Variants in PCLO observed in about 807,000 individuals in gnomAD.
PCLO encodes the protein protein piccolo.
A neutral mutation model predicts 427.5 loss-of-function variants in PCLO; 82 were observed. The ratio of observed to expected loss-of-function variants is 0.19; its 90% CI spans 0.16 to 0.23. The LOEUF (loss-of-function observed/expected upper bound fraction) is 0.23, where lower values mean the gene tolerates loss of function less well. Among genes scored for constraint, PCLO ranks in the 10% least tolerant of loss-of-function variants. The pLI is 1.00. For missense variants in PCLO, 6,239 were observed against 6,115.9 expected, an observed-to-expected ratio of 1.02 and a Z score of -0.67; for synonymous variants, 2,357 against 2,155.4, an observed-to-expected ratio of 1.09 and a Z score of -2.59.
At chr7:82,908,793 C>A in intron 8 of PCLO, 84 bp downstream of exon 8, 1 of 1,189,610 alleles carries the variant, frequency 8.4e-7, no homozygotes, top group East Asian at 2.4e-5. Flanking sequence ...CATCTCATTC[C>A]TTTTAGGACA....
At chr7:82,845,564 T>C in intron 12 of PCLO, 79 bp from the exon 13 acceptor site, 1 of 936,206 alleles carries the variant, frequency 1.1e-6, no homozygotes, top group Non-Finnish European at 1.7e-6. Context: ...GAGTTCTAGG[T>C]GACAAAGGTA....
At chr7:82,909,372 A>G (rs1176483902) in intron 7 of PCLO, among the ~76,000 whole-genome samples, 3 of 151,994 alleles carry the variant, frequency 2.0e-5, no homozygotes, top group Admixed American at 1.3e-4. Flanking sequence ...ACCTCAGCCC[A>G]TCAGTTCCCA....
chr7:82,979,973 C>A (rs933833441), intron 3 of PCLO, among the ~76,000 whole-genome samples: 1 of 152,122 alleles, frequency 6.6e-6, no homozygotes, highest in African/African-American at 2.4e-5. Flanking sequence ...TGCTAAAGAA[C>A]AAGAGATATT....
At chr7:83,029,086 A>G (rs1229847147) in intron 3 of PCLO, among the ~76,000 whole-genome samples, 1 of 152,078 alleles carries the variant, frequency 6.6e-6, no homozygotes, top group East Asian at 1.9e-4. Flanking sequence ...AGCAACAGCA[A>G]CAGAAGAAAA....
At chr7:83,028,241 T>A in intron 3 of PCLO, among the ~76,000 whole-genome samples, 1 of 151,132 alleles carries the variant, frequency 6.6e-6, no homozygotes, top group African/African-American at 2.4e-5. Context: ...CTTAAGCTGA[T>A]AAGCAACTTC....
intron 2 of PCLO, among the ~76,000 whole-genome samples, chr7:83,141,530 T>C (rs556121994): frequency 6.6e-6 from 1 of 152,344 alleles, no homozygotes; most frequent in South Asian, 2.1e-4. Flanking sequence ...ATGTGCTATA[T>C]AAATGGGGGT....
intron 9 of PCLO, among the ~76,000 whole-genome samples, chr7:82,899,179 A>T (rs1051876284): frequency 3.3e-5 from 5 of 151,504 alleles, no homozygotes; most frequent in Admixed American, 6.6e-5. Context: ...TAAAAAATAC[A>T]TAAACTCAAT....
In PCLO at chr7:83,044,864, T is replaced by C. The variant is rs1347843591; in HGVS notation, c.3301-78377A>G. Among the ~76,000 whole-genome samples, 4 of 152,300 alleles carry C rather than the reference T, an allele frequency of 2.6e-5. No homozygotes were observed. The East Asian group carries it at 7.7e-4, about 29-fold the overall frequency. Reference sequence around the variant, plus strand: ...GGTGTCGTGGGTTGGGAGAATGTTATTTGGCTTACTGGAAGTCAAAGTTTT... The same window carrying C: ...GGTGTCGTGGGTTGGGAGAATGTTACTTGGCTTACTGGAAGTCAAAGTTTT... On this transcript the variant is annotated intron_variant, in intron 3 of 24. Transcript: ENST00000333891.
chr7:82,964,513 TCAAAA>T (rs1158400036), intron 4 of PCLO, among the ~76,000 whole-genome samples: 4 of 151,954 alleles, frequency 2.6e-5, no homozygotes, highest in African/African-American at 9.7e-5. Context: ...AAGACAGAAC[TCAAAA>T]CAAAACAAGG....
At chr7:82,869,466 T>C (rs1370571110) in intron 10 of PCLO, among the ~76,000 whole-genome samples, 1 of 152,090 alleles carries the variant, frequency 6.6e-6, no homozygotes, top group African/African-American at 2.4e-5. Flanking sequence ...ACAGAGATTG[T>C]CATGAAAATT....
chr7:83,072,916 C>A (rs1789855527), intron 3 of PCLO, among the ~76,000 whole-genome samples: 1 of 151,940 alleles, frequency 6.6e-6, no homozygotes, highest in Admixed American at 6.6e-5. Context: ...CTTCCTTTTA[C>A]CTTCAACATC....
At chr7:83,082,786 C>A (rs1189817047) in intron 3 of PCLO, among the ~76,000 whole-genome samples, 1 of 151,084 alleles carries the variant, frequency 6.6e-6, no homozygotes, top group Non-Finnish European at 1.5e-5. Flanking sequence ...ATTATGTACT[C>A]ATGATTAAAA....
At chr7:82,870,265 C>T (rs1793200346) in intron 10 of PCLO, among the ~76,000 whole-genome samples, 1 of 151,830 alleles carries the variant, frequency 6.6e-6, no homozygotes, top group Non-Finnish European at 1.5e-5. Flanking sequence ...GAACAGAATA[C>T]AGAACCCAGA....
chr7:83,061,369 C>T (rs2116316061), intron 3 of PCLO, among the ~76,000 whole-genome samples: 1 of 152,226 alleles, frequency 6.6e-6, no homozygotes, highest in Middle Eastern at 3.4e-3. Context: ...TGTTCTTTGT[C>T]TTTATTAAAG....
At chr7:83,137,275 T>C (rs2116625816) in intron 2 of PCLO, among the ~76,000 whole-genome samples, 1 of 152,350 alleles carries the variant, frequency 6.6e-6, no homozygotes, top group African/African-American at 2.4e-5. Flanking sequence ...AGGCTTATTT[T>C]GCACTCTCAC....
intron 3 of PCLO, among the ~76,000 whole-genome samples, chr7:83,097,297 C>T (rs529075000): frequency 2.8e-5 from 4 of 141,366 alleles, no homozygotes; most frequent in Non-Finnish European, 4.5e-5. Context: ...CTGAGGTGGG[C>T]GGATCACGAG....
At chr7:82,800,341 C>T (rs1373740800) in intron 22 of PCLO, among the ~76,000 whole-genome samples, 2 of 152,120 alleles carry the variant, frequency 1.3e-5, no homozygotes, top group East Asian at 1.9e-4. Flanking sequence ...ATGTAGTGCT[C>T]TTGTGATAAC....
intron 3 of PCLO, among the ~76,000 whole-genome samples, chr7:83,067,406 G>A (rs1331272541): frequency 6.6e-6 from 1 of 152,164 alleles, no homozygotes; most frequent in African/African-American, 2.4e-5. Context: ...TAATTCAGTT[G>A]ATTGCTTGAG....
chr7:82,873,084 C>G (rs1793276680), intron 10 of PCLO, among the ~76,000 whole-genome samples: 1 of 151,446 alleles, frequency 6.6e-6, no homozygotes, highest in African/African-American at 2.4e-5. Flanking sequence ...TTATAGAGGC[C>G]TATTTCTTTT....
Sources: gnomAD v4.1 joint callset for allele counts (sites outside exome capture counted in the v4.1 genomes callset) on GRCh38, gnomAD v4.1.1 for gene constraint, MANE v1.5 for transcripts, NCBI Gene and HGNC (gene_info 2026-07-23, HGNC 2026-07-21) for gene names.